Variants in GPHN observed in about 807,000 individuals in gnomAD.
GPHN encodes gephyrin.
A neutral mutation model predicts 95.5 loss-of-function variants in GPHN; 17 were observed. That is an observed-to-expected ratio of 0.18 (90% CI 0.12 to 0.27). GPHN has a LOEUF of 0.27. Among genes scored for constraint, GPHN ranks in the 10% least tolerant of loss-of-function variants. The probability of loss-of-function intolerance (pLI) is 1.00; values close to 1 mark genes in which losing one functional copy is unlikely to be tolerated. For synonymous variants in GPHN, 320 were observed against 322.5 expected, an observed-to-expected ratio of 0.99 and a Z score of 0.08; for missense variants, 660 against 978.1, an observed-to-expected ratio of 0.67 and a Z score of 4.34.
At chr14:66,776,340 C>A (rs150795116) in intron 2 of GPHN, 124 bp from the exon 3 acceptor site, 155 of 737,192 alleles carry the variant, frequency 2.1e-4, no homozygotes, top group East Asian at 7.7e-4. Flanking sequence ...GTTGTTTTTC[C>A]TCCATGGTTG....
chr14:67,437,565 C>A, the GPHN span, among the ~76,000 whole-genome samples: 1 of 152,136 alleles, frequency 6.6e-6, no homozygotes, highest in Non-Finnish European at 1.5e-5. Flanking sequence ...TGAGAATAGG[C>A]TGTGCGGGCA....
At chr14:67,616,598 TA>T in the GPHN span, 2 of 152,004 alleles carry the variant, frequency 1.3e-5, no homozygotes, top group African/African-American at 4.8e-5. Flanking sequence ...AGACATGGAA[TA>T]AATAATAATT....
intron 1 of GPHN, among the ~76,000 whole-genome samples, chr14:66,679,997 A>C (rs1450873213): frequency 2.0e-5 from 3 of 152,180 alleles, no homozygotes; most frequent in African/African-American, 4.8e-5. Flanking sequence ...GAGCAGCAGA[A>C]ATTGAACTAA....
chr14:66,767,157 C>G (rs998463021), intron 2 of GPHN, among the ~76,000 whole-genome samples: 48 of 152,092 alleles, frequency 3.2e-4, no homozygotes, highest in Middle Eastern at 3.4e-3. Context: ...CATTTCTACT[C>G]ATTATATTCA....
At chr14:67,382,965 A>G in the GPHN span, among the ~76,000 whole-genome samples, 2 of 152,014 alleles carry the variant, frequency 1.3e-5, no homozygotes, top group Non-Finnish European at 2.9e-5. Flanking sequence ...GTAAGCTAGT[A>G]AGTAGTAGTT....
rs370979005 is a variant in GPHN at position 66,928,822 on chromosome 14, A to G, written c.828+4530A>G. Among the ~76,000 whole-genome samples the G allele has an allele frequency of 6.6e-4, 101 of 152,092 alleles. 1 individual carries two copies. Among genetic ancestry groups the G allele is most frequent in the East Asian group, 6.6e-3 (34 of 5,174 alleles). ...TGTTTAATTTCCGTATGTTTGTATC[A>G]TTTCCAAAGTTTTTTTTATTGATTT... On this transcript the variant is annotated intron_variant, in intron 8 of 22. Transcript: ENST00000478722.
intron 17 of GPHN, among the ~76,000 whole-genome samples, chr14:67,124,631 A>C (rs747683350): frequency 1.8e-4 from 27 of 152,192 alleles, no homozygotes; most frequent in Admixed American, 1.6e-3. Flanking sequence ...GCAGGCTTGA[A>C]ACTTCATGGA....
intron 11 of GPHN, among the ~76,000 whole-genome samples, chr14:67,070,694 C>CAAAAAAAAAAAAAAAA (rs34577444): frequency 1.6e-5 from 1 of 64,450 alleles, no homozygotes; most frequent in African/African-American, 1.4e-4. Context: ...GACTTCATCT[C>CAAAAAAAAAAAAAAAA]AAAAAAAAAA....
chr14:67,059,574 C>A (rs972259948), intron 11 of GPHN, among the ~76,000 whole-genome samples: 3 of 152,106 alleles, frequency 2.0e-5, no homozygotes, highest in Non-Finnish European at 4.4e-5. Context: ...AGCACAAACA[C>A]CCTAATTTTT....
chr14:67,208,233 G>A, the GPHN span: 16 of 1,613,864 alleles, frequency 9.9e-6, no homozygotes, highest in South Asian at 1.8e-4. Flanking sequence ...AAGCCTGGGT[G>A]TTTACAAGAT....
In GPHN at chr14:67,023,627, C is replaced by G; in HGVS notation, c.964-6C>G. 6.2e-7 allele frequency: 1 copy of G among 1,612,554 alleles called. No individual in the cohort carries two copies. Reference sequence around the variant, plus strand: ...CTAAATTACTGAGTTTATGCTCTTTCTACAGGTCCAGTCCAGGTGCAGCAG... The same window carrying G: ...CTAAATTACTGAGTTTATGCTCTTTGTACAGGTCCAGTCCAGGTGCAGCAG... On this transcript the variant is annotated splice_region_variant and splice_polypyrimidine_tract_variant and intron_variant, in intron 9 of 22. Coordinates refer to ENST00000478722, the MANE Select transcript of GPHN (RefSeq NM_020806.5).
intron 1 of GPHN, among the ~76,000 whole-genome samples, chr14:66,550,635 A>G (rs1435504096): frequency 1.3e-5 from 2 of 152,246 alleles, no homozygotes; most frequent in African/African-American, 4.8e-5. Context: ...ATTGCCTGCT[A>G]CAGATAAATA....
At chr14:67,449,893 A>G in the GPHN span, 1 of 152,184 alleles carries the variant, frequency 6.6e-6, no homozygotes, top group Non-Finnish European at 1.5e-5. Flanking sequence ...GGGGTTTGAG[A>G]CCAGCCTGAC....
the GPHN span, chr14:67,360,411 G>A: frequency 2.5e-6 from 1 of 394,274 alleles, no homozygotes; most frequent in South Asian, 1.4e-4. Flanking sequence ...TGTGATTGAA[G>A]AAGTCGGCTC....
At chr14:66,699,346 A>T (rs1324607610) in intron 2 of GPHN, among the ~76,000 whole-genome samples, 2 of 151,970 alleles carry the variant, frequency 1.3e-5, no homozygotes, top group African/African-American at 4.8e-5. Context: ...AACTTAAAGT[A>T]TAATAATAAT....
chr14:67,377,708 C>T, the GPHN span, among the ~76,000 whole-genome samples: 1 of 152,054 alleles, frequency 6.6e-6, no homozygotes, highest in Non-Finnish European at 1.5e-5. Context: ...GCTTTTACTC[C>T]ATCAGCATAA....
the GPHN span, among the ~76,000 whole-genome samples, chr14:67,641,412 G>A: frequency 6.6e-6 from 1 of 152,158 alleles, no homozygotes; most frequent in African/African-American, 2.4e-5. Context: ...CCTAGATTTG[G>A]ATCCTGATTC....
chr14:67,539,920 G>A, the GPHN span, among the ~76,000 whole-genome samples: 21 of 152,168 alleles, frequency 1.4e-4, no homozygotes, highest in African/African-American at 5.1e-4. Context: ...ATAGCTACTT[G>A]TAGTGTATGA....
chr14:67,414,246 A>C, the GPHN span, among the ~76,000 whole-genome samples: 1 of 152,204 alleles, frequency 6.6e-6, no homozygotes, highest in Non-Finnish European at 1.5e-5. Context: ...CCTGCCAGGA[A>C]GAAGTTAAGG....
Sources: allele counts gnomAD v4.1 joint callset (sites outside exome capture counted in the v4.1 genomes callset), GRCh38; gene constraint gnomAD v4.1.1; transcripts MANE v1.5; gene names NCBI Gene and HGNC (gene_info 2026-07-23, HGNC 2026-07-21).